Variants in HS6ST3 observed in about 807,000 individuals in gnomAD.
HS6ST3 encodes the protein heparan-sulfate 6-O-sulfotransferase 3.
A neutral mutation model predicts 36.7 loss-of-function variants in HS6ST3; 12 were observed. The ratio of observed to expected loss-of-function variants is 0.33; its 90% confidence interval spans 0.21 to 0.53. HS6ST3 has a LOEUF of 0.53. Among genes scored for constraint, HS6ST3 ranks in the 20% least tolerant of loss-of-function variants. HS6ST3 has a pLI of 0.95. For missense variants in HS6ST3, 584 were observed against 640.9 expected, an observed-to-expected ratio of 0.91 and a Z score of 0.96; for synonymous variants, 240 against 257.5, an observed-to-expected ratio of 0.93 and a Z score of 0.65.
At chr13:96,239,606 A>C (rs1002693339) in intron 1 of HS6ST3, among the ~76,000 whole-genome samples, 1 of 152,254 alleles carries the variant, frequency 6.6e-6, no homozygotes, top group Non-Finnish European at 1.5e-5. Flanking sequence ...TTTACTGTAC[A>C]AAAGAAATTT....
chr13:96,616,599 A>G (rs2056475180), intron 1 of HS6ST3, among the ~76,000 whole-genome samples: 1 of 152,206 alleles, frequency 6.6e-6, no homozygotes, highest in Non-Finnish European at 1.5e-5. Context: ...TCTGTTTTAC[A>G]ATACTAAGAT....
intron 1 of HS6ST3, among the ~76,000 whole-genome samples, chr13:96,303,358 G>T (rs183690375): frequency 3.2e-4 from 49 of 152,302 alleles, no homozygotes; most frequent in Non-Finnish European, 5.6e-4. Context: ...ATTCCTTTGT[G>T]ACCTGACCTT....
At chr13:96,781,583 C>T (rs1188048774) in intron 1 of HS6ST3, among the ~76,000 whole-genome samples, 2 of 152,160 alleles carry the variant, frequency 1.3e-5, no homozygotes, top group East Asian at 3.8e-4. Context: ...TTTGAAAAGG[C>T]ATGTACTATA....
chr13:96,090,945 C>CCTCCTGCACCAG lies in HS6ST3; in HGVS notation c.95_106dup (p.Ser32_Thr35dup), dbSNP rs767369495. 4 of 1,467,346 alleles carry CCTCCTGCACCAG rather than the reference C, an allele frequency of 2.7e-6. No individual in the cohort carries two copies. Among genetic ancestry groups the CCTCCTGCACCAG allele is most frequent in the South Asian group, 1.4e-5 (1 of 72,794 alleles). The allele number at this position is 1,467,346 out of a possible 1,614,324, so 90.9% of individuals were successfully genotyped here. On this transcript the variant is annotated inframe_insertion, in exon 1 of 2. Transcript: ENST00000376705. ...GTCATCATGTACCAGTACGTGTCCC[C>CCTCCTGCACCAG]CTCCTGCACCAGCTCCTGCACCAAC...
chr13:96,130,694 T>G (rs1468313759), intron 1 of HS6ST3, among the ~76,000 whole-genome samples: 1 of 152,180 alleles, frequency 6.6e-6, no homozygotes, highest in Non-Finnish European at 1.5e-5. Context: ...TTATTGGCCC[T>G]ATTGGTTAAG....
chr13:96,189,714 G>A (rs1161364662), intron 1 of HS6ST3, among the ~76,000 whole-genome samples: 1 of 152,184 alleles, frequency 6.6e-6, no homozygotes, highest in African/African-American at 2.4e-5. Flanking sequence ...CCAGGCTGCG[G>A]GATGACTGTG....
chr13:96,763,250 A>C (rs1281077835), intron 1 of HS6ST3, among the ~76,000 whole-genome samples: 2 of 149,932 alleles, frequency 1.3e-5, no homozygotes. Context: ...AAATATGTTT[A>C]ATAGAAAAAT....
chr13:96,478,055 T>C (rs2055872509), intron 1 of HS6ST3, among the ~76,000 whole-genome samples: 2 of 152,128 alleles, frequency 1.3e-5, no homozygotes, highest in Admixed American at 6.6e-5. Flanking sequence ...AAATTTTATT[T>C]GAATTAAATA....
At chr13:96,458,067 A>G (rs2055763060) in intron 1 of HS6ST3, among the ~76,000 whole-genome samples, 1 of 152,058 alleles carries the variant, frequency 6.6e-6, no homozygotes, top group African/African-American at 2.4e-5. Context: ...ATAAGACCCA[A>G]TTTGCCTACT....
At chr13:96,771,824 C>CA (rs1321421270) in intron 1 of HS6ST3, among the ~76,000 whole-genome samples, 3 of 151,534 alleles carry the variant, frequency 2.0e-5, no homozygotes, top group African/African-American at 4.8e-5. Flanking sequence ...CTAGGAGGTA[C>CA]AAAAAAAAGA....
At chr13:96,778,331 A>C (rs1360103082) in intron 1 of HS6ST3, among the ~76,000 whole-genome samples, 18 of 152,204 alleles carry the variant, frequency 1.2e-4, no homozygotes, top group South Asian at 8.3e-4. Context: ...AATGGGATCT[A>C]ATTAAACTAA....
rs1034793656 is a variant in HS6ST3 at position 96,596,499 on chromosome 13, A to C, written c.708-235991A>C. Among the ~76,000 whole-genome samples, 3 of 152,124 alleles carry C rather than the reference A, an allele frequency of 2.0e-5. No individual in the cohort carries two copies. The East Asian group carries it at 5.8e-4, about 29-fold the overall frequency. ...ACCCAGTAGTGGGATTGTTGGATCA[A>C]ATGGTGTATCTATTTTTAGTTCCTT... On this transcript the variant is annotated intron_variant, in intron 1 of 1. Transcript: ENST00000376705.
chr13:96,494,456 TG>T (rs2055963605), intron 1 of HS6ST3, among the ~76,000 whole-genome samples: 1 of 150,752 alleles, frequency 6.6e-6, no homozygotes, highest in South Asian at 2.1e-4. Flanking sequence ...GACGAGTTAA[TG>T]GGTGCAGCAC....
chr13:96,377,376 ATAAT>A (rs1436735188), intron 1 of HS6ST3, among the ~76,000 whole-genome samples: 3 of 152,088 alleles, frequency 2.0e-5, no homozygotes, highest in African/African-American at 7.2e-5. Flanking sequence ...AACAACAATA[ATAAT>A]TAATAATAAT....
chr13:96,649,912 C>G (rs78038980), intron 1 of HS6ST3, among the ~76,000 whole-genome samples: 271 of 152,084 alleles, frequency 1.8e-3, no homozygotes, highest in African/African-American at 6.4e-3. Flanking sequence ...GTCATACTCC[C>G]TCTTACTTAC....
intron 1 of HS6ST3, among the ~76,000 whole-genome samples, chr13:96,733,516 T>C (rs1876210219): frequency 6.6e-6 from 1 of 152,234 alleles, no homozygotes; most frequent in South Asian, 2.1e-4. Context: ...TTTGATAGTT[T>C]ATATGCTATC....
chr13:96,779,313 T>C (rs1003239510), intron 1 of HS6ST3, among the ~76,000 whole-genome samples: 3 of 136,290 alleles, frequency 2.2e-5, no homozygotes, highest in Non-Finnish European at 4.5e-5. Flanking sequence ...GAACTTAAAG[T>C]ATCAATAATA....
At chr13:96,321,277 A>G (rs2055001648) in intron 1 of HS6ST3, among the ~76,000 whole-genome samples, 1 of 152,060 alleles carries the variant, frequency 6.6e-6, no homozygotes, top group African/African-American at 2.4e-5. Flanking sequence ...ACCTATCCCC[A>G]TATTATTCCC....
intron 1 of HS6ST3, among the ~76,000 whole-genome samples, chr13:96,336,248 A>G (rs2055100417): frequency 6.6e-6 from 1 of 152,124 alleles, no homozygotes; most frequent in Non-Finnish European, 1.5e-5. Context: ...CCAGATTCCC[A>G]TGTTTCAGAG....
Sources: allele counts gnomAD v4.1 joint callset (sites outside exome capture counted in the v4.1 genomes callset), GRCh38; gene constraint gnomAD v4.1.1; transcripts MANE v1.5; gene names NCBI Gene and HGNC (gene_info 2026-07-23, HGNC 2026-07-21).